RSRC1: variants seen among roughly 807,000 people sequenced by gnomAD.
RSRC1 encodes the protein arginine and serine rich coiled-coil 1, also known as serine/Arginine-related protein 53.
In RSRC1, 39 loss-of-function variants were observed where a neutral mutation model predicts 49.1. The observed-to-expected ratio is 0.79, with a 90% confidence interval of 0.61 to 1.04. The LOEUF (loss-of-function observed/expected upper bound fraction) is 1.04, where lower values mean the gene tolerates loss of function less well. RSRC1 is among the 50% of genes least tolerant of loss of function. The pLI, the probability that RSRC1 is intolerant of heterozygous loss-of-function variation, is 0.00. For missense variants in RSRC1, 388 were observed against 402.4 expected (o/e 0.96, Z 0.31); for synonymous variants, 143 against 130.8 (o/e 1.09, Z -0.63).
intron 7 of RSRC1, among the ~76,000 whole-genome samples, chr3:158,466,455 T>C (rs898925492): frequency 2.0e-5 from 3 of 152,344 alleles, no homozygotes; most frequent in East Asian, 1.9e-4. Context: ...CTACAGGCTT[T>C]CTATTCAGTC....
chr3:158,130,001 G>A (rs536213927), intron 3 of RSRC1, among the ~76,000 whole-genome samples: 15 of 152,280 alleles, frequency 9.9e-5, no homozygotes, highest in Non-Finnish European at 1.8e-4. Flanking sequence ...GGGCAGCTGT[G>A]ACAAGATACT....
intron 3 of RSRC1, among the ~76,000 whole-genome samples, chr3:158,200,558 T>A (rs1720985301): frequency 6.6e-6 from 1 of 152,192 alleles, no homozygotes; most frequent in Admixed American, 6.5e-5. Flanking sequence ...CCTTCTTTTT[T>A]CTTTTTGCTT....
At chr3:158,395,859 T>C (rs1733583904) in intron 6 of RSRC1, among the ~76,000 whole-genome samples, 1 of 152,054 alleles carries the variant, frequency 6.6e-6, no homozygotes, top group African/African-American at 2.4e-5. Flanking sequence ...ATATATAAAT[T>C]GTACTACCAT....
At position 158,128,213 on chromosome 3, in the gene RSRC1, A is replaced by G. The variant is rs185690956; in HGVS notation, c.320+4222A>G. ...TCAGAAAAGTCAGAATGTTGGACTT[A>G]CATTCCATGCTTCTCTTTTCCCCAG... On this transcript the variant is annotated intron_variant, in intron 3 of 9. Transcript: ENST00000611884. 1.6e-3 allele frequency among the ~76,000 whole-genome samples: 237 copies of G among 152,328 alleles called. 1 individual carries two copies. The highest frequency in any genetic ancestry group is 3.4e-3 in the Middle Eastern group (1 of 294).
intron 3 of RSRC1, among the ~76,000 whole-genome samples, chr3:158,160,989 G>T (rs1281675351): frequency 1.3e-5 from 2 of 152,114 alleles, no homozygotes; most frequent in Non-Finnish European, 2.9e-5. Flanking sequence ...CTTTCAAACA[G>T]TTGTTCTTGT....
At chr3:158,141,141 T>C (rs4680416) in intron 3 of RSRC1, among the ~76,000 whole-genome samples, 144,181 of 152,338 alleles carry the variant, frequency 0.95, 68,352 homozygotes, top group East Asian at 1. Flanking sequence ...GACCTTCAGA[T>C]GAGGTGTGAA....
At chr3:158,398,360 C>A (rs746533926) in intron 6 of RSRC1, among the ~76,000 whole-genome samples, 7 of 152,010 alleles carry the variant, frequency 4.6e-5, no homozygotes, top group Non-Finnish European at 7.4e-5. Context: ...GATTAAGGCA[C>A]CAGAAGGTTT....
intron 6 of RSRC1, among the ~76,000 whole-genome samples, chr3:158,431,256 A>G (rs976031939): frequency 9.7e-6 from 1 of 103,104 alleles, no homozygotes; most frequent in Admixed American, 9.4e-5. Context: ...TAAATAACTT[A>G]AAGATAAATC....
At chr3:158,421,384 A>G in intron 6 of RSRC1, among the ~76,000 whole-genome samples, 1 of 151,934 alleles carries the variant, frequency 6.6e-6, no homozygotes, top group Non-Finnish European at 1.5e-5. Context: ...CCTAAGAAGA[A>G]TAGATTTGAT....
chr3:158,212,942 G>A (rs531953860), intron 4 of RSRC1, among the ~76,000 whole-genome samples: 2 of 151,856 alleles, frequency 1.3e-5, no homozygotes, highest in Non-Finnish European at 2.9e-5. Flanking sequence ...AGTTTATTCT[G>A]TTCTCACAGG....
chr3:158,452,625 T>A (rs949908029), intron 6 of RSRC1, among the ~76,000 whole-genome samples: 2 of 152,214 alleles, frequency 1.3e-5, no homozygotes, highest in African/African-American at 4.8e-5. Flanking sequence ...GTCTTAGTGT[T>A]AATGTGGAAA....
chr3:158,395,352 G>A (rs1733548909), intron 6 of RSRC1, among the ~76,000 whole-genome samples: 1 of 150,690 alleles, frequency 6.6e-6, no homozygotes. Flanking sequence ...AAATGAAAGA[G>A]CTTCTGCATA....
chr3:158,158,678 G>T (rs535096653), intron 3 of RSRC1, among the ~76,000 whole-genome samples: 13 of 152,096 alleles, frequency 8.5e-5, no homozygotes, highest in African/African-American at 3.1e-4. Context: ...AGTGGCTCAT[G>T]CCTGTAATCC....
At chr3:158,169,968 T>C (rs1184121751) in intron 3 of RSRC1, among the ~76,000 whole-genome samples, 1 of 152,174 alleles carries the variant, frequency 6.6e-6, no homozygotes, top group African/African-American at 2.4e-5. Context: ...CTTTTTTAGT[T>C]TAAAATCAAC....
intron 6 of RSRC1, among the ~76,000 whole-genome samples, chr3:158,393,802 CT>C (rs776199069): frequency 2.6e-5 from 4 of 152,014 alleles, no homozygotes. Context: ...CTAACTTTTT[CT>C]ATGAGGCCAG....
intron 6 of RSRC1, among the ~76,000 whole-genome samples, chr3:158,442,665 T>C (rs1736446144): frequency 6.6e-6 from 1 of 152,120 alleles, no homozygotes; most frequent in African/African-American, 2.4e-5. Context: ...CTCCCAGGAA[T>C]CACAAATGTT....
intron 5 of RSRC1, among the ~76,000 whole-genome samples, chr3:158,329,658 C>T (rs1237631458): frequency 6.6e-6 from 1 of 152,202 alleles, no homozygotes; most frequent in African/African-American, 2.4e-5. Context: ...CTGGGGGGTG[C>T]CTCCCAGTTA....
intron 3 of RSRC1, among the ~76,000 whole-genome samples, chr3:158,124,902 A>T (rs1299156093): frequency 2.7e-5 from 4 of 150,222 alleles, no homozygotes; most frequent in Admixed American, 2.7e-4. Flanking sequence ...CTGCAGCCTC[A>T]AACTCCTGGG....
chr3:158,166,690 GACTT>G lies in RSRC1; in HGVS notation c.321-36380_321-36377del, dbSNP rs1718560589. On this transcript the variant is annotated intron_variant, in intron 3 of 9. Transcript: ENST00000611884. Reference sequence around the variant, plus strand: ...AGGCAATGCATATTTCTTAGGAACTGACTTAATTACTGTGGACTTTAGTCTATTG... The same window carrying G: ...AGGCAATGCATATTTCTTAGGAACTGAATTACTGTGGACTTTAGTCTATTG... Among the ~76,000 whole-genome samples the G allele has an allele frequency of 2.6e-5, 4 of 152,286 alleles. No homozygotes were observed. The South Asian group carries it at 8.3e-4, about 32-fold the overall frequency.
Sources: gnomAD v4.1 joint callset for allele counts (sites outside exome capture counted in the v4.1 genomes callset) on GRCh38, gnomAD v4.1.1 for gene constraint, MANE v1.5 for transcripts, NCBI Gene and HGNC (gene_info 2026-07-23, HGNC 2026-07-21) for gene names.